The following FCHSD2 variants were observed in gnomAD, a reference collection of about 807,000 sequenced individuals.
FCHSD2 encodes F-BAR and double SH3 domains protein 2.
In FCHSD2, 38 loss-of-function variants were observed where a neutral mutation model predicts 108.1. That is an observed-to-expected ratio of 0.35 (90% CI 0.27 to 0.46). The LOEUF is 0.46. Among genes scored for constraint, FCHSD2 ranks in the 20% least tolerant of loss-of-function variants. The pLI, the probability that FCHSD2 is intolerant of heterozygous loss-of-function variation, is 1.00. For missense variants in FCHSD2, 751 were observed against 897.8 expected, an observed-to-expected ratio of 0.84 and a Z score of 2.09; for synonymous variants, 279 against 314.7, an observed-to-expected ratio of 0.89 and a Z score of 1.20.
intron 9 of FCHSD2, among the ~76,000 whole-genome samples, chr11:72,909,732 G>C (rs550124059): frequency 5.4e-5 from 7 of 129,860 alleles, no homozygotes; most frequent in Non-Finnish European, 1.1e-4. Context: ...CCGCCACCCC[G>C]TCTGGTAGGT....
intron 8 of FCHSD2, among the ~76,000 whole-genome samples, chr11:72,935,680 T>C (rs1856285305): frequency 6.6e-6 from 1 of 152,206 alleles, no homozygotes; most frequent in South Asian, 2.1e-4. Flanking sequence ...ACTGTAAATA[T>C]CTTAATATGT....
At chr11:72,978,535 T>C (rs996945593) in intron 8 of FCHSD2, among the ~76,000 whole-genome samples, 10 of 152,196 alleles carry the variant, frequency 6.6e-5, no homozygotes, top group Admixed American at 1.3e-4. Context: ...TTTGGCTCTG[T>C]GTCCCCACTC....
At chr11:73,134,594 A>G (rs1861079227) in intron 2 of FCHSD2, among the ~76,000 whole-genome samples, 1 of 152,244 alleles carries the variant, frequency 6.6e-6, no homozygotes, top group Non-Finnish European at 1.5e-5. Flanking sequence ...AGGTCTCTAG[A>G]CCACCAGGTG....
chr11:72,894,558 T>A (rs1855381039), intron 10 of FCHSD2, among the ~76,000 whole-genome samples: 1 of 152,136 alleles, frequency 6.6e-6, no homozygotes, highest in Non-Finnish European at 1.5e-5. Flanking sequence ...CATCTTATTC[T>A]TTATGAAGTA....
At chr11:73,090,372 C>A (rs929863699) in intron 2 of FCHSD2, among the ~76,000 whole-genome samples, 3 of 151,626 alleles carry the variant, frequency 2.0e-5, no homozygotes, top group Non-Finnish European at 2.9e-5. Flanking sequence ...ACTACAGACG[C>A]CCGCCACTAC....
At chr11:73,026,888 C>T (rs976617350) in intron 3 of FCHSD2, among the ~76,000 whole-genome samples, 1 of 152,164 alleles carries the variant, frequency 6.6e-6, no homozygotes, top group South Asian at 2.1e-4. Flanking sequence ...TAAGACATGC[C>T]TTGCTTTCCC....
chr11:72,874,303 T>C (rs972643170), intron 12 of FCHSD2, among the ~76,000 whole-genome samples: 5 of 152,104 alleles, frequency 3.3e-5, no homozygotes, highest in African/African-American at 1.2e-4. Context: ...CCTCCTACTG[T>C]AGCCTTCCCA....
At chr11:72,978,700 C>T (rs980508543) in intron 8 of FCHSD2, among the ~76,000 whole-genome samples, 5 of 152,044 alleles carry the variant, frequency 3.3e-5, no homozygotes, top group African/African-American at 9.7e-5. Context: ...CTTCCCCCTT[C>T]GCTTCCTCTC....
intron 8 of FCHSD2, among the ~76,000 whole-genome samples, chr11:72,930,529 G>C (rs1856167786): frequency 6.6e-6 from 1 of 152,202 alleles, no homozygotes; most frequent in African/African-American, 2.4e-5. Context: ...AGGATCACCT[G>C]AGGACAAGAG....
intron 2 of FCHSD2, among the ~76,000 whole-genome samples, chr11:73,091,226 T>C (rs775076609): frequency 3.5e-4 from 53 of 152,228 alleles, no homozygotes; most frequent in Admixed American, 2.2e-3. Flanking sequence ...TCCACATTCA[T>C]GTATAAATCT....
chr11:73,073,352 A>G (rs1166089156), intron 3 of FCHSD2, among the ~76,000 whole-genome samples: 1 of 152,240 alleles, frequency 6.6e-6, no homozygotes, highest in African/African-American at 2.4e-5. Flanking sequence ...AAAATAAAAC[A>G]TTAATACTCT....
chr11:72,898,449 T>G (rs2135266377), intron 10 of FCHSD2, among the ~76,000 whole-genome samples: 1 of 152,340 alleles, frequency 6.6e-6, no homozygotes, highest in Non-Finnish European at 1.5e-5. Flanking sequence ...GTTAAACCCA[T>G]AAGCAGTTCA....
In FCHSD2 at chr11:73,115,744, G is replaced by C. The variant is rs1860588176; in HGVS notation, c.119+24287C>G. Among the ~76,000 whole-genome samples, 5 of 152,348 alleles carry C rather than the reference G, an allele frequency of 3.3e-5. No homozygotes were observed. The South Asian group carries it at 1.0e-3, about 32-fold the overall frequency. Reference sequence around the variant, plus strand: ...CCAAACTGAGATAGGAGTTGATGCTGCAGTCTTGAGGCAAAATTTCTTCTT... The same window carrying C: ...CCAAACTGAGATAGGAGTTGATGCTCCAGTCTTGAGGCAAAATTTCTTCTT... On this transcript the variant is annotated intron_variant, in intron 2 of 19. Coordinates refer to ENST00000409418, the MANE Select transcript of FCHSD2 (RefSeq NM_014824.3).
chr11:73,043,902 C>A (rs1324048002), intron 3 of FCHSD2, among the ~76,000 whole-genome samples: 3 of 152,114 alleles, frequency 2.0e-5, no homozygotes, highest in Non-Finnish European at 4.4e-5. Flanking sequence ...GATCTAGGAA[C>A]CTCAAGATTA....
intron 9 of FCHSD2, among the ~76,000 whole-genome samples, chr11:72,903,413 G>T (rs1190923365): frequency 6.6e-6 from 1 of 151,738 alleles, no homozygotes; most frequent in Non-Finnish European, 1.5e-5. Flanking sequence ...TAGAGATGGG[G>T]TTTCACCCTG....
intron 3 of FCHSD2, among the ~76,000 whole-genome samples, chr11:73,027,780 G>A (rs1247738635): frequency 2.0e-5 from 3 of 152,250 alleles, no homozygotes; most frequent in Non-Finnish European, 2.9e-5. Flanking sequence ...GTGCTGCTCT[G>A]TGCAGCCTTG....
intron 5 of FCHSD2, among the ~76,000 whole-genome samples, chr11:72,991,923 G>A (rs1483370478): frequency 6.6e-6 from 1 of 152,118 alleles, no homozygotes; most frequent in Non-Finnish European, 1.5e-5. Context: ...CAATCAGGCA[G>A]GAGAAGGAAA....
chr11:72,983,475 T>C (rs1857255013), intron 8 of FCHSD2, among the ~76,000 whole-genome samples: 1 of 151,586 alleles, frequency 6.6e-6, no homozygotes, highest in Non-Finnish European at 1.5e-5. Context: ...CTCTAAAAAA[T>C]TAAAATTAAA....
chr11:72,898,596 C>A (rs533039155), intron 10 of FCHSD2, among the ~76,000 whole-genome samples: 78 of 152,300 alleles, frequency 5.1e-4, no homozygotes, highest in Non-Finnish European at 9.0e-4. Flanking sequence ...TCAAAAATAA[C>A]ACCTGGTTGC....
Sources: allele counts gnomAD v4.1 joint callset (sites outside exome capture counted in the v4.1 genomes callset), GRCh38; gene constraint gnomAD v4.1.1; transcripts MANE v1.5; gene names NCBI Gene and HGNC (gene_info 2026-07-23, HGNC 2026-07-21).